The following RAB10 variants were observed in gnomAD, a reference collection of about 807,000 sequenced individuals.
The protein encoded by RAB10 is ras-related protein Rab-10.
In RAB10, 5 loss-of-function variants were observed where a neutral mutation model predicts 25.7. The ratio of observed to expected loss-of-function variants is 0.19; its 90% CI spans 0.10 to 0.41. The LOEUF is 0.41. Among genes scored for constraint, RAB10 ranks in the 10% least tolerant of loss-of-function variants. The probability of loss-of-function intolerance (pLI) is 1.00; values close to 1 mark genes in which losing one functional copy is unlikely to be tolerated. For synonymous variants in RAB10, 89 were observed against 86.4 expected (o/e 1.03, Z -0.16); for missense variants, 103 against 245.8 (o/e 0.42, Z 3.89).
At chr2:26,072,203 G>T (rs926496143) in intron 1 of RAB10, among the ~76,000 whole-genome samples, 3 of 152,168 alleles carry the variant, frequency 2.0e-5, no homozygotes, top group African/African-American at 7.2e-5. Flanking sequence ...TGGATCATGA[G>T]ATCAAGAGAT....
intron 1 of RAB10, among the ~76,000 whole-genome samples, chr2:26,059,947 A>G (rs1453062830): frequency 1.3e-5 from 2 of 152,232 alleles, no homozygotes; most frequent in African/African-American, 4.8e-5. Flanking sequence ...CAATAAAAAT[A>G]TTAAAAGATT....
intron 1 of RAB10, 124 bp downstream of exon 1, chr2:26,034,859 C>A: frequency 7.3e-7 from 1 of 1,368,126 alleles, no homozygotes; most frequent in Non-Finnish European, 1.0e-6. Context: ...ACGACACATC[C>A]AAGTTACTGT....
At chr2:26,045,701 T>C (rs1031324443) in intron 1 of RAB10, among the ~76,000 whole-genome samples, 3 of 152,136 alleles carry the variant, frequency 2.0e-5, no homozygotes, top group African/African-American at 7.2e-5. Context: ...AAACTGTTTA[T>C]TGAGATGGTT....
intron 1 of RAB10, among the ~76,000 whole-genome samples, chr2:26,088,959 T>A (rs1369411912): frequency 6.6e-6 from 1 of 151,670 alleles, no homozygotes; most frequent in Non-Finnish European, 1.5e-5. Flanking sequence ...CATGTGGGTA[T>A]ATAGGGTGGG....
At chr2:26,096,152 T>A (rs1667205148) in intron 1 of RAB10, among the ~76,000 whole-genome samples, 1 of 152,240 alleles carries the variant, frequency 6.6e-6, no homozygotes, top group Non-Finnish European at 1.5e-5. Flanking sequence ...TGGGATTGAA[T>A]AACTCAAATT....
chr2:26,082,079 GAT>G (rs900781473), intron 1 of RAB10, among the ~76,000 whole-genome samples: 1 of 152,044 alleles, frequency 6.6e-6, no homozygotes, highest in African/African-American at 2.4e-5. Context: ...TTATTTAAAA[GAT>G]AATTGTTTAC....
rs1257916653 is a variant in RAB10, at chr2:26,091,623, T to C, written c.128-7039T>C. Among the ~76,000 whole-genome samples the C allele has an allele frequency of 2.6e-5, 4 of 152,146 alleles. No homozygotes were observed. The East Asian group carries it at 7.7e-4, about 29-fold the overall frequency. ...GTAAGAGATGGGATATGGAGATAAC[T>C]AATAAGCAGTTGGGTATCTTGGATT... On this transcript the variant is annotated intron_variant, in intron 1 of 5. Coordinates refer to ENST00000264710, the MANE Select transcript of RAB10 (RefSeq NM_016131.5).
intron 1 of RAB10, among the ~76,000 whole-genome samples, chr2:26,083,728 A>G (rs924246872): frequency 6.6e-6 from 1 of 152,166 alleles, no homozygotes; most frequent in African/African-American, 2.4e-5. Context: ...TGTGTTGGCC[A>G]GGCTGGTCTC....
chr2:26,061,514 G>C (rs1377390933), intron 1 of RAB10, among the ~76,000 whole-genome samples: 1 of 151,912 alleles, frequency 6.6e-6, no homozygotes, highest in Non-Finnish European at 1.5e-5. Context: ...TGCCCATGTA[G>C]CTAATATTAC....
chr2:26,076,317 G>GTACT (rs1437162714), intron 1 of RAB10, among the ~76,000 whole-genome samples: 2 of 152,124 alleles, frequency 1.3e-5, no homozygotes, highest in Non-Finnish European at 2.9e-5. Flanking sequence ...ACTACCTTCT[G>GTACT]TACTGCTTTT....
chr2:26,069,482 G>A (rs60551865), intron 1 of RAB10, among the ~76,000 whole-genome samples: 148,984 of 151,980 alleles, frequency 0.98, 73,042 homozygotes, highest in African/African-American at 0.99. Context: ...CCTGGCCAAT[G>A]TGGTGAAACC....
chr2:26,034,046 A>AGGGCGTGAGGGAAGGGC, upstream of RAB10: 1 of 400,372 alleles, frequency 2.5e-6, no homozygotes, highest in Non-Finnish European at 4.4e-6. Flanking sequence ...CCGCAAGGCT[A>AGGGCGTGAGGGAAGGGC]GGGCGTGAGG....
intron 4 of RAB10, 85 bp downstream of exon 4, chr2:26,127,318 G>C (rs886856158): frequency 1.0e-6 from 1 of 979,360 alleles, no homozygotes. Context: ...AATAGTGATC[G>C]AACACACTAA....
intron 3 of RAB10, among the ~76,000 whole-genome samples, chr2:26,116,658 A>G (rs1264462353): frequency 3.7e-5 from 5 of 133,846 alleles, no homozygotes; most frequent in Admixed American, 1.8e-4. Flanking sequence ...CTGGGTTCAC[A>G]CCATCCTCCT....
At chr2:26,044,267 C>T (rs1407144856) in intron 1 of RAB10, among the ~76,000 whole-genome samples, 2 of 152,192 alleles carry the variant, frequency 1.3e-5, no homozygotes, top group South Asian at 2.1e-4. Context: ...CACAGACGGC[C>T]CCTCCTGTTC....
intron 2 of RAB10, among the ~76,000 whole-genome samples, chr2:26,100,073 A>G (rs920763891): frequency 1.3e-5 from 2 of 152,056 alleles, no homozygotes; most frequent in Non-Finnish European, 2.9e-5. Context: ...TTGCCTCACT[A>G]TTTCTAGGCT....
chr2:26,109,780 C>A lies in RAB10; in HGVS notation c.201C>A (p.Gly67=). The part of the protein sequence containing the change: ...KIKLQIWDTA[G]QERFHTITTS... ...CTGTTTATTTCAGGGATACAGCAGG[C>A]CAGGAGCGATTTCACACCATCACAA... The change falls in exon 3 of 6, where the codon GGC becomes GGA. Residue 67 remains glycine, a synonymous_variant. Coordinates refer to ENST00000264710, the MANE Select transcript of RAB10 (RefSeq NM_016131.5). 2 of 1,598,132 alleles carry A rather than the reference C, an allele frequency of 1.3e-6. No homozygotes were observed. Among genetic ancestry groups the A allele is most frequent in the Non-Finnish European group, 1.7e-6 (2 of 1,173,518 alleles).
At chr2:26,113,289 T>C (rs1216788372) in intron 3 of RAB10, among the ~76,000 whole-genome samples, 1 of 151,842 alleles carries the variant, frequency 6.6e-6, no homozygotes, top group Non-Finnish European at 1.5e-5. Flanking sequence ...ATTAAAACAG[T>C]CAGCCAAACG....
intron 2 of RAB10, among the ~76,000 whole-genome samples, chr2:26,106,487 G>A (rs1341275370): frequency 2.0e-5 from 3 of 152,202 alleles, no homozygotes; most frequent in Non-Finnish European, 4.4e-5. Flanking sequence ...ATTCAATGGA[G>A]CAAGGTTATT....
Sources: allele counts gnomAD v4.1 joint callset (sites outside exome capture counted in the v4.1 genomes callset), GRCh38; gene constraint gnomAD v4.1.1; transcripts MANE v1.5; gene names NCBI Gene and HGNC (gene_info 2026-07-23, HGNC 2026-07-21).